SIK2: variants seen among roughly 807,000 people sequenced by gnomAD.
SIK2 encodes the protein salt inducible kinase 2, also known as serine/threonine-protein kinase SIK2.
In SIK2, 29 loss-of-function variants were observed where a neutral mutation model predicts 103.2. The ratio of observed to expected loss-of-function variants is 0.28; its 90% CI spans 0.21 to 0.38. The LOEUF is 0.38. Ranked by LOEUF, SIK2 falls within the 10% of genes least tolerant of loss-of-function variation. The pLI is 1.00. For synonymous variants in SIK2, 412 were observed against 446.1 expected (o/e 0.92, Z 0.96); for missense variants, 879 against 1,171.0 (o/e 0.75, Z 3.64).
rs767943469 is a variant in SIK2 at position 111,724,261 on chromosome 11, A to C, written c.*132A>C. The C allele has an allele frequency of 2.3e-5, 30 of 1,292,384 alleles. No individual in the cohort carries two copies. Among genetic ancestry groups the C allele is most frequent in the Non-Finnish European group, 3.0e-5 (29 of 965,522 alleles). The allele number at this position is 1,292,384 out of a possible 1,614,324, so 80.1% of individuals were successfully genotyped here. ...GGGAGAAATCGAGCCACCCAACTGG[A>C]ATCAGAGGGTCTGGCTGGGGTGGAT... On this transcript the variant is annotated 3_prime_UTR_variant, in exon 15 of 15. Coordinates refer to ENST00000304987, the MANE Select transcript of SIK2 (RefSeq NM_015191.3).
In SIK2 at chr11:111,730,671, T is replaced by C. The variant is rs1342426216; in HGVS notation, c.*6542T>C. 4 of 151,876 alleles carry C rather than the reference T, an allele frequency of 2.6e-5. No homozygotes were observed. Among genetic ancestry groups the C allele is most frequent in the African/African-American group, 9.7e-5 (4 of 41,330 alleles). The allele number at this position is 151,876 out of a possible 1,614,324, so 9.4% of individuals were successfully genotyped here. On this transcript the variant is annotated 3_prime_UTR_variant, in exon 15 of 15. Coordinates refer to ENST00000304987, the MANE Select transcript of SIK2 (RefSeq NM_015191.3). ...TGAGTGCAAATCATAATAGCTCCAATGTGAAAAAAAAAATCAAAAGTATAA... is the reference window on the plus strand; with the variant it reads ...TGAGTGCAAATCATAATAGCTCCAACGTGAAAAAAAAAATCAAAAGTATAA...
intron 3 of SIK2, among the ~76,000 whole-genome samples, chr11:111,652,121 A>G (rs1942334296): frequency 6.6e-6 from 1 of 152,250 alleles, no homozygotes; most frequent in South Asian, 2.1e-4. Flanking sequence ...GTAAAAATAC[A>G]GAAATAAAAA....
Position 111,719,935 on chromosome 11 carries a change from C to T in SIK2, c.1427C>T (p.Thr476Ile), listed in dbSNP as rs1355297934. The change falls in exon 10 of 15, where the codon ACA becomes ATA. Residue 476 changes from threonine to isoleucine, a missense_variant. Transcript: ENST00000304987. ...CATGCCTTTGAGGCATTTCAGTCCA[C>T]ACGCAGCGGGCAGAGACGGCACACT... ...PAHAFEAFQS[T>I]RSGQRRHTLS... The T allele has an allele frequency of 3.1e-6, 5 of 1,614,216 alleles. No individual in the cohort carries two copies. Among genetic ancestry groups the T allele is most frequent in the Non-Finnish European group, 4.2e-6 (5 of 1,180,044 alleles).
At chr11:111,702,393 T>G (rs974007387) in intron 6 of SIK2, among the ~76,000 whole-genome samples, 2 of 152,190 alleles carry the variant, frequency 1.3e-5, no homozygotes, top group Admixed American at 6.5e-5. Context: ...GAGACCAGCC[T>G]GCACAATATT....
chr11:111,702,596 T>G (rs1943240881), intron 6 of SIK2, among the ~76,000 whole-genome samples: 1 of 152,144 alleles, frequency 6.6e-6, no homozygotes, highest in African/African-American at 2.4e-5. Flanking sequence ...ATAGGCATAA[T>G]CTGTGTAAAG....
intron 3 of SIK2, among the ~76,000 whole-genome samples, chr11:111,628,788 G>A (rs497111): frequency 0.6 from 91,782 of 151,866 alleles, 30,976 homozygotes; most frequent in East Asian, 0.96. Flanking sequence ...TAATGTGCTT[G>A]TACTGGTATT....
In SIK2 at chr11:111,730,599, TTTAA is replaced by T. The variant is rs1944157200; in HGVS notation, c.*6474_*6477del. On this transcript the variant is annotated 3_prime_UTR_variant, in exon 15 of 15. Transcript: ENST00000304987. ...TAGTTATATTTTCTGTGTGCTTTTT[TTTAA>T]TTACTAAGAAAAAAATTGGTGAGTT... The T allele has an allele frequency of 6.6e-6, 1 of 152,192 alleles. No individual in the cohort carries two copies. The highest frequency in any genetic ancestry group is 1.5e-5 in the Non-Finnish European group (1 of 68,044). The allele number at this position is 152,192 out of a possible 1,614,324, so 9.4% of individuals were successfully genotyped here.
At chr11:111,704,228 C>G (rs1426596569) in intron 7 of SIK2, among the ~76,000 whole-genome samples, 2 of 152,182 alleles carry the variant, frequency 1.3e-5, no homozygotes, top group Admixed American at 1.3e-4. Flanking sequence ...TGAGCAGTAG[C>G]TGGGCGTGTG....
intron 10 of SIK2, among the ~76,000 whole-genome samples, chr11:111,720,274 A>G (rs1943761963): frequency 1.3e-5 from 2 of 152,134 alleles, no homozygotes; most frequent in Admixed American, 6.5e-5. Context: ...ACTGGCTGAG[A>G]TCTTACAGAT....
Position 111,614,901 on chromosome 11 carries a change from G to C in SIK2, c.136-1342G>C, listed in dbSNP as rs1271727642. 2.0e-5 allele frequency among the ~76,000 whole-genome samples: 3 copies of C among 152,198 alleles called. No individual in the cohort carries two copies. In the East Asian group the frequency reaches 5.8e-4, roughly 29 times the overall value. On this transcript the variant is annotated intron_variant, in intron 1 of 14. Transcript: ENST00000304987. ...CGCCTGAAATCCCAGCACTTTGGGAGGTCGAGGTGGGCGGATCACCTGAAG... is the reference window on the plus strand; with the variant it reads ...CGCCTGAAATCCCAGCACTTTGGGACGTCGAGGTGGGCGGATCACCTGAAG...
intron 3 of SIK2, among the ~76,000 whole-genome samples, chr11:111,658,200 A>G (rs1003745346): frequency 6.6e-6 from 1 of 151,432 alleles, no homozygotes; most frequent in African/African-American, 2.4e-5. Context: ...AGCTCGGCTC[A>G]CTGCAACCTC....
chr11:111,727,560 GC>G lies in SIK2; in HGVS notation c.*3436del, dbSNP rs373513970. The G allele has an allele frequency of 1.3e-3, 208 of 161,336 alleles. 2 individuals are homozygous for G. The highest frequency in any genetic ancestry group is 4.5e-3 in the African/African-American group (189 of 41,822). 10.0% of individuals were successfully genotyped at this position (161,336 alleles called of 1,614,324 possible). On this transcript the variant is annotated 3_prime_UTR_variant, in exon 15 of 15. Transcript: ENST00000304987. ...CTGTAGGAGTATCGGCCTCTCCCCTGCCCCCTACCCTCTCTCGTGGACCAAA... is the reference window on the plus strand; with the variant it reads ...CTGTAGGAGTATCGGCCTCTCCCCTGCCCCTACCCTCTCTCGTGGACCAAA...
At chr11:111,604,132 A>G (rs1004164871) in intron 1 of SIK2, among the ~76,000 whole-genome samples, 3 of 152,272 alleles carry the variant, frequency 2.0e-5, no homozygotes, top group African/African-American at 7.2e-5. Flanking sequence ...TGTAATGATA[A>G]TGATAACTTG....
In SIK2 at chr11:111,724,137, A is replaced by G; in HGVS notation, c.*8A>G. 1 of 1,602,740 alleles carries G rather than the reference A, an allele frequency of 6.2e-7. No individual in the cohort carries two copies. Among genetic ancestry groups the G allele is most frequent in the Non-Finnish European group, 8.5e-7 (1 of 1,175,422 alleles). On this transcript the variant is annotated 3_prime_UTR_variant, in exon 15 of 15. Coordinates refer to ENST00000304987, the MANE Select transcript of SIK2 (RefSeq NM_015191.3). ...TATGTCCTGGTGAATTAGTCTCAGC[A>G]CAGGAATTGAGGTGGGTCAGGTGAA...
intron 3 of SIK2, among the ~76,000 whole-genome samples, chr11:111,680,269 C>T (rs919564369): frequency 3.3e-5 from 5 of 151,976 alleles, no homozygotes; most frequent in African/African-American, 7.3e-5. Flanking sequence ...AGCAAATTAG[C>T]CAGTTTTGAT....
At chr11:111,614,284 A>G (rs1388448533) in intron 1 of SIK2, among the ~76,000 whole-genome samples, 2 of 152,002 alleles carry the variant, frequency 1.3e-5, no homozygotes, top group Non-Finnish European at 2.9e-5. Flanking sequence ...GCGTTTCACC[A>G]TGTTGGCCAG....
intron 3 of SIK2, among the ~76,000 whole-genome samples, chr11:111,683,989 A>T (rs1942811364): frequency 6.6e-6 from 1 of 152,230 alleles, no homozygotes; most frequent in Non-Finnish European, 1.5e-5. Flanking sequence ...GGAAGATAAT[A>T]GATACACTGG....
At chr11:111,608,480 G>C (rs2135828990) in intron 1 of SIK2, among the ~76,000 whole-genome samples, 1 of 152,216 alleles carries the variant, frequency 6.6e-6, no homozygotes, top group Middle Eastern at 3.4e-3. Context: ...TCCAGACCCA[G>C]AGATAATGCC....
rs372908343 is a variant in SIK2, at chr11:111,721,603, C to T, written c.1945-227C>T. On this transcript the variant is annotated intron_variant, in intron 12 of 14. Transcript: ENST00000304987. ...ATAGCCTCCTGGTGACACCAAGAGT[C>T]TTTGCTCTAGTACTGACTAGGTAAT... is the stretch of plus-strand genomic sequence containing the variant. Among the ~76,000 whole-genome samples the T allele has an allele frequency of 6.6e-5, 10 of 152,286 alleles. No individual in the cohort carries two copies. The East Asian group carries it at 1.2e-3, about 18-fold the overall frequency.
Sources: allele counts gnomAD v4.1 joint callset (sites outside exome capture counted in the v4.1 genomes callset), GRCh38; gene constraint gnomAD v4.1.1; transcripts MANE v1.5; gene names NCBI Gene and HGNC (gene_info 2026-07-23, HGNC 2026-07-21).